The following STK32C variants were observed in gnomAD, a reference collection of about 807,000 sequenced individuals.
The protein encoded by STK32C is serine/threonine-protein kinase 32C.
Under a neutral mutation model 56.5 loss-of-function variants are expected in STK32C, and 31 were observed. That is an observed-to-expected ratio of 0.55 (90% CI 0.41 to 0.74). The LOEUF (loss-of-function observed/expected upper bound fraction) is 0.74, where lower values mean the gene tolerates loss of function less well. Among genes scored for constraint, STK32C ranks in the 30% least tolerant of loss-of-function variants. The pLI, the probability that STK32C is intolerant of heterozygous loss-of-function variation, is 0.00. For synonymous variants in STK32C, 309 were observed against 289.4 expected, an observed-to-expected ratio of 1.07 and a Z score of -0.69; for missense variants, 544 against 676.9, an observed-to-expected ratio of 0.80 and a Z score of 2.18.
At chr10:132,220,238 C>T (rs992862200) in intron 10 of STK32C, among the ~76,000 whole-genome samples, 5 of 152,298 alleles carry the variant, frequency 3.3e-5, no homozygotes, top group Admixed American at 1.3e-4. Context: ...ACACACAGGC[C>T]GACCCCACGC....
intron 1 of STK32C, among the ~76,000 whole-genome samples, chr10:132,327,119 G>T (rs1157378392): frequency 2.0e-5 from 3 of 152,172 alleles, no homozygotes; most frequent in Admixed American, 1.3e-4. Context: ...CAATTCTCAC[G>T]TGCTGTGGGA....
intron 10 of STK32C, among the ~76,000 whole-genome samples, chr10:132,215,012 T>A (rs1704284069): frequency 6.6e-6 from 1 of 152,222 alleles, no homozygotes; most frequent in African/African-American, 2.4e-5. Flanking sequence ...TATTGAACTA[T>A]ATAAATGACC....
intron 2 of STK32C, among the ~76,000 whole-genome samples, chr10:132,244,726 C>CAAAAAA (rs1454653141): frequency 6.6e-6 from 1 of 152,208 alleles, no homozygotes; most frequent in East Asian, 1.9e-4. Flanking sequence ...CAGAGGGGAG[C>CAAAAAA]AGTCCCCCAA....
intron 7 of STK32C, 125 bp downstream of exon 7, chr10:132,225,108 C>A (rs1329594212): frequency 8.5e-6 from 6 of 706,576 alleles, no homozygotes; most frequent in Non-Finnish European, 1.4e-5. Context: ...AAGCGTGACT[C>A]CTCAGACACA....
chr10:132,239,622 GC>G (rs1327184924), intron 2 of STK32C, among the ~76,000 whole-genome samples: 1 of 152,200 alleles, frequency 6.6e-6, no homozygotes, highest in Non-Finnish European at 1.5e-5. Flanking sequence ...GAAAGTGGGG[GC>G]CATCTGGGAG....
intron 2 of STK32C, among the ~76,000 whole-genome samples, chr10:132,230,035 C>T (rs541030953): frequency 3.3e-5 from 5 of 152,056 alleles, no homozygotes; most frequent in East Asian, 1.9e-4. Context: ...CCCAGAGGCG[C>T]GTGTGCTGAT....
At chr10:132,248,087 G>C (rs1300912602) in intron 1 of STK32C, among the ~76,000 whole-genome samples, 1 of 110,418 alleles carries the variant, frequency 9.1e-6, no homozygotes, top group Non-Finnish European at 1.9e-5. Context: ...TGCACGCCCA[G>C]AGATTATGTC....
rs115964358 is a variant in STK32C at position 132,294,634 on chromosome 10, G to A, written c.262+12938C>T. ...ATGCATGGCTCACTCTTAGCCCCTC[G>A]GGAGCTCCAGCTAGTTGTGTACACA... On this transcript the variant is annotated intron_variant, in intron 1 of 11. Coordinates refer to ENST00000298630, the MANE Select transcript of STK32C (RefSeq NM_173575.4). Among the ~76,000 whole-genome samples the A allele has an allele frequency of 4.7e-3, 716 of 152,164 alleles. 9 individuals carry two copies. Among genetic ancestry groups the A allele is most frequent in the African/African-American group, 0.016 (683 of 41,496 alleles).
intron 1 of STK32C, chr10:132,249,071 G>A (rs1045819213): frequency 4.2e-6 from 2 of 478,042 alleles, no homozygotes; most frequent in Admixed American, 2.1e-5. Context: ...GGCGGCTCCG[G>A]CAGAGGCTCC....
Position 132,325,324 on chromosome 10 carries a change from G to T in STK32C, c.302-951C>A, listed in dbSNP as rs574717437. Among the ~76,000 whole-genome samples the T allele has an allele frequency of 2.0e-5, 3 of 152,180 alleles. No individual in the cohort carries two copies. In the South Asian group the frequency reaches 6.2e-4, roughly 32 times the overall value. ...TCCCAGCACTTTGAGAAGCCAAGACGGGTGGATCACAAGGTCAGGAGATCA... is the reference window on the plus strand; with the variant it reads ...TCCCAGCACTTTGAGAAGCCAAGACTGGTGGATCACAAGGTCAGGAGATCA... On this transcript the variant is annotated intron_variant, in intron 1 of 1. Coordinates refer to the STK32C transcript ENST00000368619.
Position 132,210,795 on chromosome 10 carries a change from C to T in STK32C, c.1252-1694G>A, listed in dbSNP as rs1192676712. 7.2e-5 allele frequency among the ~76,000 whole-genome samples: 11 copies of T among 152,360 alleles called. No homozygotes were observed. In the East Asian group the frequency reaches 1.9e-3, roughly 27 times the overall value. The stretch of plus-strand genomic sequence containing the variant: ...TGGGTTTGGGGAGCAGCTCACGTTC[C>T]CCACCCCGAGGCAGTGCCCTCCGTG... On this transcript the variant is annotated intron_variant, in intron 10 of 11. Transcript: ENST00000298630.
chr10:132,261,511 T>A (rs2064306611), intron 1 of STK32C, among the ~76,000 whole-genome samples: 1 of 152,144 alleles, frequency 6.6e-6, no homozygotes, highest in Non-Finnish European at 1.5e-5. Context: ...ACACCTATAA[T>A]CCCAGCACTT....
chr10:132,209,850 G>A (rs575299813), intron 10 of STK32C, among the ~76,000 whole-genome samples: 4 of 152,242 alleles, frequency 2.6e-5, no homozygotes, highest in South Asian at 4.2e-4. Context: ...CGCAGGCCTC[G>A]GGTGGCATTA....
intron 2 of STK32C, among the ~76,000 whole-genome samples, chr10:132,240,253 G>A (rs1299132082): frequency 1.3e-5 from 2 of 152,246 alleles, no homozygotes; most frequent in Non-Finnish European, 2.9e-5. Context: ...GCCACCTGCA[G>A]CGAGTCCCCC....
rs1422722657 is a variant in STK32C at position 132,255,051 on chromosome 10, G to C, written c.263-9096C>G. Among the ~76,000 whole-genome samples the C allele has an allele frequency of 6.6e-6, 1 of 152,174 alleles. No homozygotes were observed. Among genetic ancestry groups the C allele is most frequent in the Admixed American group, 6.5e-5 (1 of 15,282 alleles). ...GCAGAACCAGCCCGTTCACCAATGGGAGGATTGCACAGCAGAAGTGGGCAC... is the reference window on the plus strand; with the variant it reads ...GCAGAACCAGCCCGTTCACCAATGGCAGGATTGCACAGCAGAAGTGGGCAC... On this transcript the variant is annotated intron_variant, in intron 1 of 11. Coordinates refer to ENST00000298630, the MANE Select transcript of STK32C (RefSeq NM_173575.4). This position sits in a 1 kb window ranked among gnomAD's most constrained non-coding sequence, Gnocchi z 4.6.
chr10:132,289,139 T>C (rs2065496171), intron 1 of STK32C, among the ~76,000 whole-genome samples: 1 of 152,234 alleles, frequency 6.6e-6, no homozygotes, highest in Non-Finnish European at 1.5e-5. Context: ...TACTGGTTTT[T>C]GACAAAAGCA....
At chr10:132,227,892 A>T in intron 3 of STK32C, 85 bp downstream of exon 3, 1 of 1,526,934 alleles carries the variant, frequency 6.5e-7, no homozygotes, top group Non-Finnish European at 8.8e-7. Context: ...AGGGCCAAGG[A>T]GCACCAAGGG....
At chr10:132,210,446 C>T (rs1182066718) in intron 10 of STK32C, among the ~76,000 whole-genome samples, 1 of 152,212 alleles carries the variant, frequency 6.6e-6, no homozygotes, top group African/African-American at 2.4e-5. Flanking sequence ...CGGGGTTTCA[C>T]CATGTTGGCC....
rs745402229 is a variant in STK32C at position 132,224,518 on chromosome 10, G to A, written c.882C>T (p.Pro294=). 1.9e-6 allele frequency: 3 copies of A among 1,591,952 alleles called. No individual in the cohort carries two copies. Among genetic ancestry groups the A allele is most frequent in the Non-Finnish European group, 2.6e-6 (3 of 1,170,142 alleles). Residue 294 remains proline (P), a synonymous_variant, in exon 8 of 12, where the codon CCC becomes CCT. Transcript: ENST00000298630. Reference sequence around the variant, plus strand: ...CGGCGTTGCTGGAGTGGATGTCATAGGGCCTCTGGAGACAGGGAGGCAGTG... The same window carrying A: ...CGGCGTTGCTGGAGTGGATGTCATAAGGCCTCTGGAGACAGGGAGGCAGTG... The part of the protein sequence containing the change: ...MAYELLRGWR[P]YDIHSSNAVE...
Sources: gnomAD v4.1 joint callset for allele counts (sites outside exome capture counted in the v4.1 genomes callset) on GRCh38, gnomAD v4.1.1 for gene constraint, Gnocchi (gnomAD v3.1) non-coding constraint, MANE v1.5 for transcripts, NCBI Gene and HGNC (gene_info 2026-07-23, HGNC 2026-07-21) for gene names.